Variants in NRXN1 observed in about 807,000 individuals in gnomAD.
NRXN1 encodes neurexin-1.
A neutral mutation model predicts 150.9 loss-of-function variants in NRXN1; 39 were observed. The ratio of observed to expected loss-of-function variants is 0.26; its 90% confidence interval spans 0.20 to 0.34. The LOEUF is 0.34. Ranked by LOEUF, NRXN1 falls within the 10% of genes least tolerant of loss-of-function variation. NRXN1 has a pLI of 1.00. For missense variants in NRXN1, 1,815 were observed against 1,949.9 expected, an observed-to-expected ratio of 0.93 and a Z score of 1.30; for synonymous variants, 924 against 757.0, an observed-to-expected ratio of 1.22 and a Z score of -3.62.
intron 21 of NRXN1, chr2:49,966,482 G>C (rs1426277196): frequency 1.3e-5 from 2 of 151,052 alleles, no homozygotes; most frequent in Non-Finnish European, 2.9e-5. Flanking sequence ...ATGAAAAGCA[G>C]CCTGTTTATA....
At chr2:50,262,415 A>C (rs1490776482) in intron 17 of NRXN1, among the ~76,000 whole-genome samples, 1 of 151,948 alleles carries the variant, frequency 6.6e-6, no homozygotes, top group Non-Finnish European at 1.5e-5. Context: ...GTCTAAAACC[A>C]GTTCCAGGTT....
At chr2:50,500,453 G>T (rs1273505346) in intron 13 of NRXN1, among the ~76,000 whole-genome samples, 2 of 152,102 alleles carry the variant, frequency 1.3e-5, no homozygotes, top group Non-Finnish European at 2.9e-5. Flanking sequence ...ACTGATTGTT[G>T]CCTTCTTTAA....
chr2:50,852,610 A>T (rs867749107), intron 5 of NRXN1, among the ~76,000 whole-genome samples: 1 of 152,146 alleles, frequency 6.6e-6, no homozygotes, highest in Admixed American at 6.5e-5. Context: ...TGTCTTTCAT[A>T]GAATCTCAGA....
intron 2 of NRXN1, among the ~76,000 whole-genome samples, chr2:50,993,261 C>G (rs1038522824): frequency 6.6e-6 from 1 of 151,850 alleles, no homozygotes; most frequent in Non-Finnish European, 1.5e-5. Context: ...TTTCATTTTA[C>G]AAAATGAGAA....
intron 17 of NRXN1, among the ~76,000 whole-genome samples, chr2:50,272,681 C>T (rs946314737): frequency 6.6e-6 from 1 of 152,064 alleles, no homozygotes; most frequent in Non-Finnish European, 1.5e-5. Context: ...AATTCTTCCT[C>T]TTTCAATAGA....
At position 50,395,366 on chromosome 2, in the gene NRXN1, T is replaced by C. The variant is rs4971672; in HGVS notation, c.3364+70076A>G. ...GTTTAGGAACCCAACAAAGATCACT[T>C]AAAATATTTTATTAAACATACTCTT... On this transcript the variant is annotated intron_variant, in intron 17 of 22. Coordinates refer to ENST00000401669, the MANE Select transcript of NRXN1 (RefSeq NM_001330078.2). Among the ~76,000 whole-genome samples, 40 of 151,648 alleles carry C rather than the reference T, an allele frequency of 2.6e-4. 1 individual carries two copies. The highest frequency in any genetic ancestry group is 2.6e-3 in the Admixed American group (39 of 15,186).
At chr2:49,969,010 T>A (rs1677457481) in intron 21 of NRXN1, among the ~76,000 whole-genome samples, 2 of 152,030 alleles carry the variant, frequency 1.3e-5, no homozygotes, top group South Asian at 4.1e-4. Context: ...CTGAGAGGGG[T>A]GCTTAGTAAT....
At chr2:50,177,766 ACTAACTAACTCTCT>A (rs2060439009) in intron 18 of NRXN1, among the ~76,000 whole-genome samples, 1 of 131,166 alleles carries the variant, frequency 7.6e-6, no homozygotes, top group African/African-American at 3.1e-5. Context: ...AGCTAAACTA[ACTAACTAACTCTCT>A]CTCTCTCTCT....
At chr2:50,549,840 A>C (rs1186563503) in intron 9 of NRXN1, among the ~76,000 whole-genome samples, 2 of 152,270 alleles carry the variant, frequency 1.3e-5, no homozygotes, top group South Asian at 4.1e-4. Context: ...AAAATATTCA[A>C]AATAATTTTG....
At chr2:50,390,655 C>T (rs766304109) in intron 17 of NRXN1, among the ~76,000 whole-genome samples, 2 of 152,024 alleles carry the variant, frequency 1.3e-5, no homozygotes, top group African/African-American at 2.4e-5. Flanking sequence ...TGGATCTTTC[C>T]TCATAAATGG....
intron 18 of NRXN1, among the ~76,000 whole-genome samples, chr2:50,210,454 T>C (rs2062933724): frequency 6.6e-6 from 1 of 151,828 alleles, no homozygotes; most frequent in Non-Finnish European, 1.5e-5. Context: ...AAGTGTTTTA[T>C]GAGTCATAGC....
At chr2:50,469,814 A>C (rs1376835027) in intron 16 of NRXN1, among the ~76,000 whole-genome samples, 1 of 150,984 alleles carries the variant, frequency 6.6e-6, no homozygotes, top group African/African-American at 2.4e-5. Context: ...AAAGCATTCT[A>C]GATAAGGAAA....
chr2:50,459,789 G>A (rs114268376), intron 17 of NRXN1, among the ~76,000 whole-genome samples: 59 of 152,080 alleles, frequency 3.9e-4, no homozygotes, highest in African/African-American at 1.2e-3. Flanking sequence ...TCTTCAGTTT[G>A]TTCACACGGG....
chr2:50,480,812 C>T (rs918997649), intron 15 of NRXN1, among the ~76,000 whole-genome samples: 2 of 152,146 alleles, frequency 1.3e-5, no homozygotes, highest in African/African-American at 2.4e-5. Context: ...CAAAAATCAC[C>T]GAGACAACTG....
At chr2:50,731,450 T>A (rs535322517) in intron 5 of NRXN1, among the ~76,000 whole-genome samples, 1 of 152,202 alleles carries the variant, frequency 6.6e-6, no homozygotes, top group South Asian at 2.1e-4. Flanking sequence ...GATTTTTAAA[T>A]CAGAGTCAGA....
intron 5 of NRXN1, among the ~76,000 whole-genome samples, chr2:50,753,240 A>T (rs1229149813): frequency 1.3e-5 from 2 of 151,944 alleles, no homozygotes; most frequent in East Asian, 3.9e-4. Flanking sequence ...ATAATTGTAG[A>T]ATGAAAATAA....
chr2:50,826,897 C>T (rs958737812), intron 5 of NRXN1, among the ~76,000 whole-genome samples: 1 of 152,084 alleles, frequency 6.6e-6, no homozygotes, highest in African/African-American at 2.4e-5. Flanking sequence ...TGGCATTAAA[C>T]GCCACAGTAC....
At chr2:50,862,081 AT>A (rs1676219162) in intron 5 of NRXN1, among the ~76,000 whole-genome samples, 1 of 151,758 alleles carries the variant, frequency 6.6e-6, no homozygotes, top group South Asian at 2.1e-4. Context: ...GGGCGCCTGT[AT>A]TCCCAGCTAC....
chr2:49,922,182 C>T lies in NRXN1; in HGVS notation c.4286G>A (p.Ser1429Asn), dbSNP rs2103998640. ...GSAEVIRESSSTTGMVVGIVA... is the reference protein window; with the variant it reads ...GSAEVIRESSNTTGMVVGIVA... ...TATCCCAACGACCATACCCGTGGTG[C>T]TGCTGGACTCCCGGATCACTTCTGC... The change falls in exon 23 of 23, where the codon AGC becomes AAC. Residue 1429 changes from serine (S) to asparagine (N), a missense_variant. Transcript: ENST00000401669. 5 of 1,614,174 alleles carry T rather than the reference C, an allele frequency of 3.1e-6. No homozygotes were observed. The highest frequency in any genetic ancestry group is 4.2e-6 in the Non-Finnish European group (5 of 1,180,016).
Sources: gnomAD v4.1 joint callset for allele counts (sites outside exome capture counted in the v4.1 genomes callset) on GRCh38, gnomAD v4.1.1 for gene constraint, MANE v1.5 for transcripts, NCBI Gene and HGNC (gene_info 2026-07-23, HGNC 2026-07-21) for gene names.